Variants in DLGAP1 observed in about 807,000 individuals in gnomAD.
DLGAP1 encodes the protein disks large-associated protein 1.
DLGAP1 carries 11 observed loss-of-function variants against 90.8 expected under a neutral mutation model. That is an observed-to-expected ratio of 0.12 (90% CI 0.08 to 0.20). The LOEUF (loss-of-function observed/expected upper bound fraction) is 0.20. Ranked by LOEUF, DLGAP1 falls within the 10% of genes least tolerant of loss-of-function variation. The probability of loss-of-function intolerance (pLI) is 1.00; values close to 1 mark genes in which losing one functional copy is unlikely to be tolerated. For missense variants in DLGAP1, 1,050 were observed against 1,333.8 expected (o/e 0.79, Z 3.31); for synonymous variants, 558 against 540.7 (o/e 1.03, Z -0.44).
At chr18:3,590,804 G>A (rs553380354) in intron 7 of DLGAP1, among the ~76,000 whole-genome samples, 42 of 152,064 alleles carry the variant, frequency 2.8e-4, no homozygotes, top group Middle Eastern at 3.4e-3. Flanking sequence ...GCAGTGAGCC[G>A]CAGAGGTTGT....
intron 1 of DLGAP1, among the ~76,000 whole-genome samples, chr18:4,352,927 G>A (rs2081431351): frequency 6.6e-6 from 1 of 152,068 alleles, no homozygotes; most frequent in Non-Finnish European, 1.5e-5. Context: ...GGAGCCCTCG[G>A]TGAGTATGAC....
At chr18:3,677,960 GTTTTTTTTT>G (rs71160908) in intron 7 of DLGAP1, among the ~76,000 whole-genome samples, 1 of 81,186 alleles carries the variant, frequency 1.2e-5, no homozygotes, top group South Asian at 5.1e-4. Context: ...TGCCCGGTGG[GTTTTTTTTT>G]TTTTTTTTTT....
intron 3 of DLGAP1, among the ~76,000 whole-genome samples, chr18:3,922,478 T>C (rs2072288065): frequency 1.3e-5 from 2 of 152,232 alleles, no homozygotes; most frequent in African/African-American, 4.8e-5. Flanking sequence ...AATCTTTGGA[T>C]TCCATTCCCC....
At chr18:4,254,729 C>A (rs2078853398) in intron 1 of DLGAP1, among the ~76,000 whole-genome samples, 1 of 152,156 alleles carries the variant, frequency 6.6e-6, no homozygotes, top group African/African-American at 2.4e-5. Context: ...CATTTCCTTC[C>A]CATATGACTC....
intron 5 of DLGAP1, chr18:3,771,142 C>G: frequency 6.6e-6 from 1 of 152,194 alleles, no homozygotes; most frequent in African/African-American, 2.4e-5. Context: ...TCCCAAGCTC[C>G]CAAGATTCCG....
intron 7 of DLGAP1, chr18:3,604,423 G>C (rs1029136805): frequency 2.0e-5 from 3 of 148,638 alleles, no homozygotes; most frequent in Admixed American, 6.9e-5. Flanking sequence ...TTCAAATTAA[G>C]GAGCATATTT....
At chr18:3,899,388 T>G (rs2071733546) in intron 3 of DLGAP1, among the ~76,000 whole-genome samples, 1 of 152,226 alleles carries the variant, frequency 6.6e-6, no homozygotes, top group African/African-American at 2.4e-5. Context: ...TATGATCAAC[T>G]GGCGCTGGCA....
In DLGAP1 at chr18:3,516,288, CAGG is replaced by C. The variant is rs532093579; in HGVS notation, c.2480-7630_2480-7628del. ...GCACGGTGTATAAATTTATGGGGTA[CAGG>C]AGATGTTTTGATACAGGCATGCACT... is the stretch of plus-strand genomic sequence containing the variant. On this transcript the variant is annotated intron_variant, in intron 10 of 12. Coordinates refer to ENST00000315677, the MANE Select transcript of DLGAP1 (RefSeq NM_004746.4). Among the ~76,000 whole-genome samples, 116 of 151,098 alleles carry C rather than the reference CAGG, an allele frequency of 7.7e-4. 2 individuals are homozygous for C. Among genetic ancestry groups the C allele is most frequent in the South Asian group, 7.5e-3 (36 of 4,782 alleles).
intron 3 of DLGAP1, among the ~76,000 whole-genome samples, chr18:3,956,533 A>G (rs1217725391): frequency 6.6e-6 from 1 of 152,124 alleles, no homozygotes; most frequent in Admixed American, 6.5e-5. Context: ...TATTTTTAGT[A>G]GAGATGGGTT....
chr18:4,186,475 T>C (rs1056633064), intron 1 of DLGAP1, among the ~76,000 whole-genome samples: 1 of 152,130 alleles, frequency 6.6e-6, no homozygotes, highest in Non-Finnish European at 1.5e-5. Flanking sequence ...AAGGGGTCAA[T>C]ATTCAATCTT....
At position 3,852,346 on chromosome 18, in the gene DLGAP1, A is replaced by C. The variant is rs573943469; in HGVS notation, c.957+26766T>G. 3.3e-5 allele frequency among the ~76,000 whole-genome samples: 5 copies of C among 152,318 alleles called. No homozygotes were observed. The East Asian group carries it at 9.6e-4, about 29-fold the overall frequency. On this transcript the variant is annotated intron_variant, in intron 4 of 12. Transcript: ENST00000315677. ...AGTTGACATCAGATTTATCCACAGA[A>C]ATATCTAACCTCAGCAAAGAGTGGA...
chr18:3,729,199 C>T lies in DLGAP1; in HGVS notation c.1527G>A (p.Val509=), dbSNP rs772487980. The T allele has an allele frequency of 1.9e-6, 3 of 1,613,674 alleles. No homozygotes were observed. ...EKGCSQDDEC[V]SLRSSSPPRT... is the part of the protein sequence containing the mutation. Reference sequence around the variant, plus strand: ...GCGGCGGCGAGGACGACCTCAGGGACACGCACTCGTCGTCCTGGGAGCAGC... The same window carrying T: ...GCGGCGGCGAGGACGACCTCAGGGATACGCACTCGTCGTCCTGGGAGCAGC... The change falls in exon 7 of 13, where the codon GTG becomes GTA. Residue 509 remains valine, a synonymous_variant. Transcript: ENST00000315677. The surrounding 1 kb of genome is among the most constrained non-coding windows in gnomAD (Gnocchi z 6.2).
chr18:4,196,176 G>A (rs2077494462), intron 1 of DLGAP1, among the ~76,000 whole-genome samples: 1 of 152,104 alleles, frequency 6.6e-6, no homozygotes, highest in Admixed American at 6.5e-5. Context: ...CAGGCAGGGT[G>A]TCTACTCTTA....
At chr18:3,805,419 G>A (rs1174689542) in intron 5 of DLGAP1, among the ~76,000 whole-genome samples, 1 of 152,210 alleles carries the variant, frequency 6.6e-6, no homozygotes, top group African/African-American at 2.4e-5. Flanking sequence ...CTTAGAGAAG[G>A]AGTTGGAGCA....
intron 3 of DLGAP1, among the ~76,000 whole-genome samples, chr18:3,972,390 T>C (rs183741568): frequency 6.6e-6 from 1 of 152,212 alleles, no homozygotes; most frequent in East Asian, 1.9e-4. Context: ...TATATCAGTT[T>C]ATATATAACT....
intron 1 of DLGAP1, among the ~76,000 whole-genome samples, chr18:4,305,136 C>A (rs527817514): frequency 6.6e-6 from 1 of 152,132 alleles, no homozygotes; most frequent in East Asian, 1.9e-4. Context: ...AAGGAACAGA[C>A]CCTGAGTTCA....
chr18:3,976,151 A>G (rs1200992190), intron 3 of DLGAP1, among the ~76,000 whole-genome samples: 3 of 151,648 alleles, frequency 2.0e-5, no homozygotes, highest in African/African-American at 7.3e-5. Flanking sequence ...GTTTGAGACC[A>G]GCCTGACCAA....
chr18:4,236,044 C>T (rs2078408546), intron 1 of DLGAP1, among the ~76,000 whole-genome samples: 1 of 152,062 alleles, frequency 6.6e-6, no homozygotes, highest in South Asian at 2.1e-4. Context: ...TTTTCTCTAT[C>T]TTCATGTAGC....
intron 3 of DLGAP1, among the ~76,000 whole-genome samples, chr18:3,959,604 C>T (rs948606423): frequency 2.0e-4 from 31 of 151,568 alleles, no homozygotes; most frequent in African/African-American, 6.8e-4. Context: ...GTGGAGGTTG[C>T]GGGGAGCTGA....
Sources: allele counts gnomAD v4.1 joint callset (sites outside exome capture counted in the v4.1 genomes callset), GRCh38; gene constraint gnomAD v4.1.1; non-coding constraint Gnocchi (gnomAD v3.1); transcripts MANE v1.5; gene names NCBI Gene and HGNC (gene_info 2026-07-23, HGNC 2026-07-21).